The following TRIM24 variants were observed in gnomAD, a reference collection of about 807,000 sequenced individuals.
The protein encoded by TRIM24 is transcription intermediary factor 1-alpha.
A neutral mutation model predicts 123.9 loss-of-function variants in TRIM24; 29 were observed. The observed-to-expected ratio is 0.23, with a 90% CI of 0.17 to 0.32. TRIM24 has a LOEUF of 0.32. Ranked by LOEUF, TRIM24 falls within the 10% of genes least tolerant of loss-of-function variation. The pLI is 1.00. For synonymous variants in TRIM24, 456 were observed against 461.1 expected, an observed-to-expected ratio of 0.99 and a Z score of 0.14; for missense variants, 932 against 1,295.3, an observed-to-expected ratio of 0.72 and a Z score of 4.31.
At chr7:138,474,274 C>T (rs1264177463) in intron 1 of TRIM24, among the ~76,000 whole-genome samples, 1 of 151,850 alleles carries the variant, frequency 6.6e-6, no homozygotes, top group Non-Finnish European at 1.5e-5. Flanking sequence ...TACAGGCGTC[C>T]GCTACTGCGC....
In TRIM24 at chr7:138,576,270, C is replaced by T. The variant is rs1017919466; in HGVS notation, c.2015-103C>T. On this transcript the variant is annotated intron_variant, in intron 12 of 18. Coordinates refer to ENST00000343526, the MANE Select transcript of TRIM24 (RefSeq NM_015905.3). ...TACTTACTGTTTCATAGAATTTCAT[C>T]ATGGTTCCCAGTTTCAATGTAGTGC... 13 of 1,085,030 alleles carry T rather than the reference C, an allele frequency of 1.2e-5. No individual in the cohort carries two copies. In the African/African-American group the frequency reaches 1.9e-4, roughly 16 times the overall value. The allele number at this position is 1,085,030 out of a possible 1,614,324, so 67.2% of individuals were successfully genotyped here.
At chr7:138,575,457 TAA>T (rs1797737577) in intron 12 of TRIM24, among the ~76,000 whole-genome samples, 2 of 145,238 alleles carry the variant, frequency 1.4e-5, no homozygotes, top group African/African-American at 2.6e-5. Flanking sequence ...CAGGCCTGGC[TAA>T]TTTTTTTTTT....
rs187271052 is a variant in TRIM24 at position 138,575,846 on chromosome 7, C to A, written c.2015-527C>A. Among the ~76,000 whole-genome samples, 4 of 152,184 alleles carry A rather than the reference C, an allele frequency of 2.6e-5. No homozygotes were observed. The East Asian group carries it at 7.7e-4, about 29-fold the overall frequency. On this transcript the variant is annotated intron_variant, in intron 12 of 18. Transcript: ENST00000343526. ...TTTTGTTTATTGCCTTAAGTCTGAACCCATTGATCTTTCTGTGTCTTCCAT... is the reference window on the plus strand; with the variant it reads ...TTTTGTTTATTGCCTTAAGTCTGAAACCATTGATCTTTCTGTGTCTTCCAT...
chr7:138,577,574 T>A lies in TRIM24; in HGVS notation c.2242T>A (p.Ser748Thr). The change falls in exon 14 of 19, where the codon TCT becomes ACT. Residue 748 changes from serine to threonine, a missense_variant. Around this residue, in one of 7 missense-constraint regions of TRIM24, gnomAD observed 527 missense variants for 691.3 expected, o/e 0.76. Coordinates refer to ENST00000343526, the MANE Select transcript of TRIM24 (RefSeq NM_015905.3). ...VIVKQESDEE[S>T]RPQNANYPRS... ...AGTGAAGCAAGAATCAGATGAAGAA[T>A]CTAGGCCTCAAAATGTAATTATGAA... is the stretch of plus-strand genomic sequence containing the variant. 6.2e-7 allele frequency: 1 copy of A among 1,604,262 alleles called. No individual in the cohort carries two copies. The highest frequency in any genetic ancestry group is 8.5e-7 in the Non-Finnish European group (1 of 1,175,890).
chr7:138,461,594 T>A (rs1198778599), intron 1 of TRIM24, among the ~76,000 whole-genome samples: 1 of 152,236 alleles, frequency 6.6e-6, no homozygotes, highest in Non-Finnish European at 1.5e-5. Context: ...ATTTGGGTTT[T>A]CTGGTATTTT....
chr7:138,580,101 G>C (rs967723356), intron 15 of TRIM24, among the ~76,000 whole-genome samples: 2 of 152,108 alleles, frequency 1.3e-5, no homozygotes, highest in African/African-American at 4.8e-5. Flanking sequence ...TGGGGATGAT[G>C]ATCATCATCA....
chr7:138,499,509 C>G (rs1313891071), intron 1 of TRIM24, among the ~76,000 whole-genome samples: 5 of 152,154 alleles, frequency 3.3e-5, no homozygotes, highest in Admixed American at 2.6e-4. Flanking sequence ...CAGATGGTCT[C>G]TTGTCTGTGG....
At chr7:138,575,151 A>G (rs2116679289) in intron 12 of TRIM24, among the ~76,000 whole-genome samples, 1 of 152,316 alleles carries the variant, frequency 6.6e-6, no homozygotes, top group Non-Finnish European at 1.5e-5. Context: ...AAGTATGTTT[A>G]AAACTGGAAA....
At chr7:138,495,293 T>G (rs924660107) in intron 1 of TRIM24, among the ~76,000 whole-genome samples, 6 of 152,210 alleles carry the variant, frequency 3.9e-5, no homozygotes, top group Non-Finnish European at 7.3e-5. Context: ...AAGTAAACTC[T>G]AAAAGTAGTG....
At position 138,560,142 on chromosome 7, in the gene TRIM24, T is replaced by C. The variant is rs552829621; in HGVS notation, c.1530+5176T>C. On this transcript the variant is annotated intron_variant, in intron 9 of 18. Coordinates refer to ENST00000343526, the MANE Select transcript of TRIM24 (RefSeq NM_015905.3). The stretch of plus-strand genomic sequence containing the variant: ...GGGCAGGACTTGATCCCATCTCAGA[T>C]GAGTTTTTTGCCAATATTTCTTCAG... 2.6e-5 allele frequency among the ~76,000 whole-genome samples: 4 copies of C among 152,342 alleles called. No individual in the cohort carries two copies. In the East Asian group the frequency reaches 7.7e-4, roughly 29 times the overall value.
chr7:138,585,348 A>G lies in TRIM24; in HGVS notation c.*397A>G, dbSNP rs1473743369. ...AAAGTAAAAAATATATGTGGTTTGG[A>G]TGTGTGCTTTAATTCAGCTTTAGAA... On this transcript the variant is annotated 3_prime_UTR_variant, in exon 19 of 19. Transcript: ENST00000343526. 1 of 237,804 alleles carries G rather than the reference A, an allele frequency of 4.2e-6. No homozygotes were observed. Among genetic ancestry groups the G allele is most frequent in the African/African-American group, 2.3e-5 (1 of 44,266 alleles). 14.7% of individuals were successfully genotyped at this position (237,804 alleles called of 1,614,324 possible).
chr7:138,462,434 G>A, intron 1 of TRIM24, among the ~76,000 whole-genome samples: 1 of 146,640 alleles, frequency 6.8e-6, no homozygotes, highest in Non-Finnish European at 1.5e-5. Context: ...TCCGCCTCCC[G>A]GGTTCACGCC....
chr7:138,534,166 C>T (rs1796813379), intron 6 of TRIM24, among the ~76,000 whole-genome samples: 1 of 152,138 alleles, frequency 6.6e-6, no homozygotes. Context: ...AAAACCAGCT[C>T]CTGGATTCAT....
chr7:138,504,499 G>A (rs1413308914), intron 2 of TRIM24, 91 bp downstream of exon 2: 2 of 742,832 alleles, frequency 2.7e-6, no homozygotes, highest in East Asian at 3.2e-5. Flanking sequence ...TCATTCTGTT[G>A]CCCAGGCAGG....
At chr7:138,509,494 G>A (rs1424232726) in intron 2 of TRIM24, among the ~76,000 whole-genome samples, 2 of 150,514 alleles carry the variant, frequency 1.3e-5, no homozygotes, top group Non-Finnish European at 3.0e-5. Flanking sequence ...ACAAGATTAG[G>A]AGTTTGAGAC....
chr7:138,461,670 A>G (rs771713684), intron 1 of TRIM24, among the ~76,000 whole-genome samples: 1 of 152,230 alleles, frequency 6.6e-6, no homozygotes, highest in Non-Finnish European at 1.5e-5. Flanking sequence ...GACTTTTGAC[A>G]GGTGTTCCAT....
intron 18 of TRIM24, 64 bp downstream of exon 18, chr7:138,584,063 A>C (rs1231632832): frequency 6.5e-7 from 1 of 1,530,428 alleles, no homozygotes; most frequent in African/African-American, 1.4e-5. Context: ...TTATTACTAA[A>C]CACCTTGTCA....
intron 10 of TRIM24, among the ~76,000 whole-genome samples, chr7:138,569,598 AGAG>A (rs1388017909): frequency 6.6e-6 from 1 of 152,186 alleles, no homozygotes; most frequent in African/African-American, 2.4e-5. Context: ...TGTTCTTGGT[AGAG>A]GAGGAGGAAA....
intron 6 of TRIM24, among the ~76,000 whole-genome samples, chr7:138,536,557 G>A (rs1304289198): frequency 6.6e-6 from 1 of 152,238 alleles, no homozygotes; most frequent in Admixed American, 6.5e-5. Flanking sequence ...AAATGTTGCT[G>A]CCTGATCGTT....
Sources: gnomAD v4.1 joint callset for allele counts (sites outside exome capture counted in the v4.1 genomes callset) on GRCh38, gnomAD v4.1.1 for gene constraint, gnomAD v4.1.1 regional missense constraint, MANE v1.5 for transcripts, NCBI Gene and HGNC (gene_info 2026-07-23, HGNC 2026-07-21) for gene names.